The following NCOR2 variants were observed in gnomAD, a reference collection of about 807,000 sequenced individuals.
NCOR2 encodes nuclear receptor corepressor 2.
In NCOR2, 81 loss-of-function variants were observed where a neutral mutation model predicts 262.9. That is an observed-to-expected ratio of 0.31 (90% CI 0.26 to 0.37). NCOR2 has a LOEUF of 0.37. Ranked by LOEUF, NCOR2 falls within the 10% of genes least tolerant of loss-of-function variation. NCOR2 has a pLI of 1.00. For missense variants in NCOR2, 3,385 were observed against 3,621.4 expected, an observed-to-expected ratio of 0.93 and a Z score of 1.68; for synonymous variants, 1,659 against 1,559.3, an observed-to-expected ratio of 1.06 and a Z score of -1.51.
intron 6 of NCOR2, among the ~76,000 whole-genome samples, chr12:124,451,510 G>A (rs905549131): frequency 6.6e-6 from 1 of 152,162 alleles, no homozygotes; most frequent in Non-Finnish European, 1.5e-5. Flanking sequence ...CAGCCCCAGC[G>A]CTGGAGGAAG....
intron 42 of NCOR2, 137 bp from the exon 45 acceptor site, chr12:124,332,604 C>G: frequency 8.9e-7 from 1 of 1,119,996 alleles, no homozygotes; most frequent in South Asian, 1.4e-5. Flanking sequence ...CATCCCCTGC[C>G]TGGTAGAAGA....
At position 124,359,885 on chromosome 12, in the gene NCOR2, A is replaced by G. The variant is rs116966828; in HGVS notation, c.3100+2241T>C. Among the ~76,000 whole-genome samples, 226 of 152,346 alleles carry G rather than the reference A, an allele frequency of 1.5e-3. 3 individuals are homozygous for G. In the East Asian group the frequency reaches 0.036, roughly 24 times the overall value. ...ACCAGAGAGGTAGCGCTGGGTGTCA[A>G]GTTCATGTGTGTCCCTGCGGGAGCT... On this transcript the variant is annotated intron_variant, in intron 22 of 46. Coordinates refer to ENST00000405201, the Ensembl canonical transcript of NCOR2.
At chr12:124,553,205 C>T (rs2051770026) in intron 1 of NCOR2, among the ~76,000 whole-genome samples, 1 of 152,190 alleles carries the variant, frequency 6.6e-6, no homozygotes, top group Non-Finnish European at 1.5e-5. Flanking sequence ...ATCTCTCTGA[C>T]CTCCTGCCTC....
chr12:124,537,737 A>G (rs2051158348), upstream of NCOR2: 1 of 152,292 alleles, frequency 6.6e-6, no homozygotes. Flanking sequence ...CCGAGAGGCC[A>G]GCCCTCTCCA....
At chr12:124,401,429 A>G (rs983470055) in intron 14 of NCOR2, among the ~76,000 whole-genome samples, 43 of 152,224 alleles carry the variant, frequency 2.8e-4, no homozygotes, top group Admixed American at 1.2e-3. Flanking sequence ...CTGCAAGACT[A>G]TTTGGTGAAC....
At chr12:124,369,913 G>C (rs2039350398) in intron 20 of NCOR2, among the ~76,000 whole-genome samples, 1 of 152,162 alleles carries the variant, frequency 6.6e-6, no homozygotes, top group African/African-American at 2.4e-5. Context: ...GGACGGACAG[G>C]ATGCAAGCTG....
chr12:124,354,240 T>A lies in NCOR2; in HGVS notation c.3590-44A>T, dbSNP rs1042022947. On this transcript the variant is annotated intron_variant, in intron 26 of 46. Coordinates refer to ENST00000405201, the Ensembl canonical transcript of NCOR2. ...GGGGCTGAGGGCGTGTCTGTGGCCC[T>A]TCCTTCCCCAGGCCCCAGTCCTGAG... The A allele has an allele frequency of 2.0e-6, 3 of 1,530,654 alleles. No homozygotes were observed. In the African/African-American group the frequency reaches 4.1e-5, roughly 21 times the overall value. The allele number at this position is 1,530,654 out of a possible 1,614,324, so 94.8% of individuals were successfully genotyped here. A position where few individuals can be genotyped will look rare whatever the true frequency, so the allele number is the denominator to read the frequency against.
chr12:124,501,448 G>A (rs949208424), intron 1 of NCOR2, among the ~76,000 whole-genome samples: 7 of 152,230 alleles, frequency 4.6e-5, no homozygotes, highest in Middle Eastern at 3.4e-3. Context: ...TGGAGGCCTC[G>A]AGTCCATATC....
chr12:124,335,921 A>G, intron 38 of NCOR2: 1 of 415,964 alleles, frequency 2.4e-6, no homozygotes, highest in Non-Finnish European at 4.4e-6. Context: ...CAGGTGGTGG[A>G]GGCCGGGCGA....
At chr12:124,364,191 T>C (rs1254502472) in intron 20 of NCOR2, among the ~76,000 whole-genome samples, 2 of 152,072 alleles carry the variant, frequency 1.3e-5, no homozygotes, top group Non-Finnish European at 2.9e-5. Context: ...AGCCCAGACC[T>C]GGGGCCCACA....
intron 5 of NCOR2, among the ~76,000 whole-genome samples, chr12:124,458,385 G>A (rs2045990528): frequency 6.6e-6 from 1 of 152,220 alleles, no homozygotes; most frequent in Admixed American, 6.5e-5. Flanking sequence ...CAGCAGGTAT[G>A]TAGGTGGGCT....
exon 31 of NCOR2, chr12:124,346,801 C>G (rs1288120830): frequency 1.3e-6 from 2 of 1,570,888 alleles, no homozygotes; most frequent in African/African-American, 2.7e-5. Flanking sequence ...GGAGCTTGGC[C>G]TCCCGACGCA....
chr12:124,405,746 C>G (rs2042239659), intron 13 of NCOR2, among the ~76,000 whole-genome samples: 2 of 152,174 alleles, frequency 1.3e-5, no homozygotes, highest in East Asian at 3.9e-4. Flanking sequence ...ACAACTCCCC[C>G]TGAGGAGCTG....
chr12:124,499,471 CGAGGAA>C (rs2048568809), upstream of NCOR2, among the ~76,000 whole-genome samples: 1 of 151,426 alleles, frequency 6.6e-6, no homozygotes, highest in African/African-American at 2.5e-5. Flanking sequence ...CCAGGAGATA[CGAGGAA>C]GAAGAACTTC....
chr12:124,539,988 G>A (rs1475876010), upstream of NCOR2, among the ~76,000 whole-genome samples: 1 of 152,004 alleles, frequency 6.6e-6, no homozygotes, highest in African/African-American at 2.4e-5. This position sits in a 1 kb window ranked among gnomAD's most constrained non-coding sequence, Gnocchi z 5.1. Context: ...GACCTGCCTC[G>A]ACCAGGACAC....
chr12:124,352,490 C>T (rs1305989675), intron 27 of NCOR2, among the ~76,000 whole-genome samples: 1 of 151,972 alleles, frequency 6.6e-6, no homozygotes, highest in East Asian at 1.9e-4. Context: ...TTCCTGCCTC[C>T]CAGTCCCAAG....
At chr12:124,362,335 T>G in intron 21 of NCOR2, 38 bp from the exon 24 acceptor site, 1 of 1,324,096 alleles carries the variant, frequency 7.6e-7, no homozygotes, top group Non-Finnish European at 9.6e-7. Context: ...TCACAGAGGG[T>G]GTCTGAAAGT....
In NCOR2 at chr12:124,374,282, G is replaced by A. The variant is rs560292478; in HGVS notation, c.2218+131C>T. On this transcript the variant is annotated intron_variant, in intron 19 of 46. Transcript: ENST00000405201. ...GCTGGGAAGGAAGCCCAGAGGCCGC[G>A]GAGCACAAACGGTGGCGCTCACAGA... is the stretch of plus-strand genomic sequence containing the variant. 6.0e-5 allele frequency: 54 copies of A among 905,198 alleles called. 4 individuals carry two copies. The African/African-American group carries it at 6.3e-4, about 11-fold the overall frequency. 56.1% of individuals were successfully genotyped at this position (905,198 alleles called of 1,614,324 possible). A position where few individuals can be genotyped will look rare whatever the true frequency, so the allele number is the denominator to read the frequency against.
intron 33 of NCOR2, among the ~76,000 whole-genome samples, 191 bp downstream of exon 35, chr12:124,342,814 A>G (rs1272494903): frequency 6.6e-6 from 1 of 152,236 alleles, no homozygotes; most frequent in Non-Finnish European, 1.5e-5. Context: ...TGTCCTGCAA[A>G]CTACTAAGAG....
Sources: allele counts gnomAD v4.1 joint callset (sites outside exome capture counted in the v4.1 genomes callset), GRCh38; gene constraint gnomAD v4.1.1; non-coding constraint Gnocchi (gnomAD v3.1); transcripts MANE v1.5; gene names NCBI Gene and HGNC (gene_info 2026-07-23, HGNC 2026-07-21).